SNTG2: variants seen among roughly 807,000 people sequenced by gnomAD.
The protein encoded by SNTG2 is syntrophin gamma 2, also known as gamma-2-syntrophin.
SNTG2 carries 74 observed loss-of-function variants against 70.9 expected under a neutral mutation model. The ratio of observed to expected loss-of-function variants is 1.04; its 90% CI spans 0.86 to 1.27. SNTG2 has a LOEUF of 1.27. SNTG2 is among the 50% of genes most tolerant of loss of function. SNTG2 has a pLI of 0.00. For synonymous variants in SNTG2, 278 were observed against 273.8 expected, an observed-to-expected ratio of 1.02 and a Z score of -0.15; for missense variants, 717 against 690.7, an observed-to-expected ratio of 1.04 and a Z score of -0.43.
At chr2:1,312,437 A>G (rs1681046944) in intron 15 of SNTG2, among the ~76,000 whole-genome samples, 1 of 152,126 alleles carries the variant, frequency 6.6e-6, no homozygotes, top group Middle Eastern at 3.2e-3. Flanking sequence ...CATCGACAAG[A>G]ATAGAACCCA....
chr2:1,281,526 GTGTT>G (rs1396655799), intron 14 of SNTG2, among the ~76,000 whole-genome samples: 1 of 151,206 alleles, frequency 6.6e-6, no homozygotes, highest in South Asian at 2.1e-4. Flanking sequence ...TGTGGTGTGT[GTGTT>G]TGGTGTGGTG....
At chr2:1,232,793 C>A (rs541450025) in intron 9 of SNTG2, among the ~76,000 whole-genome samples, 3 of 152,222 alleles carry the variant, frequency 2.0e-5, no homozygotes, top group South Asian at 4.2e-4. Context: ...AACGAAATTT[C>A]AAGATTTTTC....
At chr2:1,262,690 G>T (rs1202757989) in intron 13 of SNTG2, among the ~76,000 whole-genome samples, 3 of 141,852 alleles carry the variant, frequency 2.1e-5, no homozygotes, top group South Asian at 2.2e-4. Flanking sequence ...CAACCGGAAG[G>T]CTCCGTCCAG....
At chr2:1,055,739 A>G (rs1662351737) in intron 1 of SNTG2, among the ~76,000 whole-genome samples, 1 of 152,218 alleles carries the variant, frequency 6.6e-6, no homozygotes, top group African/African-American at 2.4e-5. Context: ...TAGGGTTATC[A>G]TGAAGGATTT....
At chr2:1,335,579 C>T (rs765256236) in intron 16 of SNTG2, among the ~76,000 whole-genome samples, 3 of 152,106 alleles carry the variant, frequency 2.0e-5, no homozygotes, top group East Asian at 3.9e-4. Context: ...ACTTTATTTT[C>T]GACCATCAGA....
chr2:974,320 C>T (rs1332093943), intron 1 of SNTG2, among the ~76,000 whole-genome samples: 2 of 152,198 alleles, frequency 1.3e-5, no homozygotes, highest in Non-Finnish European at 2.9e-5. Flanking sequence ...AGCAGGACCC[C>T]AAGCCTGGGG....
At chr2:1,034,315 A>G (rs552072888) in intron 1 of SNTG2, among the ~76,000 whole-genome samples, 9 of 152,348 alleles carry the variant, frequency 5.9e-5, no homozygotes, top group Admixed American at 5.2e-4. Flanking sequence ...ATAGTATTCC[A>G]TGGTGTATAT....
chr2:1,144,950 A>T, intron 6 of SNTG2, among the ~76,000 whole-genome samples: 1 of 152,232 alleles, frequency 6.6e-6, no homozygotes, highest in East Asian at 1.9e-4. Context: ...ATGCTTGGAG[A>T]ATAAACAGTA....
chr2:1,023,068 A>AT (rs1322503566), intron 1 of SNTG2, among the ~76,000 whole-genome samples: 2 of 152,070 alleles, frequency 1.3e-5, no homozygotes, highest in Non-Finnish European at 2.9e-5. Flanking sequence ...AGGAAAGAGG[A>AT]TTTTTTAATG....
chr2:1,312,500 G>A (rs1681050215), intron 15 of SNTG2, among the ~76,000 whole-genome samples: 1 of 152,174 alleles, frequency 6.6e-6, no homozygotes, highest in African/African-American at 2.4e-5. Context: ...AGGCAGCCTG[G>A]GTCCAGGAGG....
chr2:1,320,100 AT>A (rs1241585984), intron 16 of SNTG2, among the ~76,000 whole-genome samples: 1 of 152,200 alleles, frequency 6.6e-6, no homozygotes. Flanking sequence ...TGTTGAAAAT[AT>A]TTCTGGAATA....
chr2:1,182,360 C>CA (rs10587246), intron 8 of SNTG2, among the ~76,000 whole-genome samples: 46,454 of 121,286 alleles, frequency 0.38, 9,198 homozygotes, highest in Non-Finnish European at 0.49. Context: ...TTAAAAATTT[C>CA]AAAAAAAAAA....
intron 6 of SNTG2, among the ~76,000 whole-genome samples, chr2:1,155,020 T>C (rs947676413): frequency 3.4e-5 from 5 of 145,388 alleles, no homozygotes; most frequent in African/African-American, 1.0e-4. Flanking sequence ...CACATAGTCA[T>C]ACACCACACA....
intron 4 of SNTG2, among the ~76,000 whole-genome samples, chr2:1,131,324 T>A (rs1407987651): frequency 6.6e-6 from 1 of 152,188 alleles, no homozygotes; most frequent in Non-Finnish European, 1.5e-5. Flanking sequence ...TTCTTTCTTA[T>A]CAGGAGGTAA....
chr2:1,134,172 C>T (rs1032850858), intron 4 of SNTG2, among the ~76,000 whole-genome samples: 1 of 152,134 alleles, frequency 6.6e-6, no homozygotes, highest in African/African-American at 2.4e-5. Flanking sequence ...CTCATAAAGG[C>T]AGCGTGGACC....
chr2:1,202,387 G>T (rs1197760030), intron 8 of SNTG2, among the ~76,000 whole-genome samples: 1 of 151,812 alleles, frequency 6.6e-6, no homozygotes, highest in Admixed American at 6.6e-5. Flanking sequence ...ATACAATATT[G>T]ACTCTAAAGA....
In SNTG2 at chr2:1,268,216, G is replaced by A. The variant is rs1034076125; in HGVS notation, c.1284+645G>A. ...ATGAAGAGTGACAGGAGATAAATGA[G>A]GCAGCGCATCCCAGAGGAGCTCTGA... On this transcript the variant is annotated intron_variant, in intron 14 of 16. Coordinates refer to ENST00000308624, the MANE Select transcript of SNTG2 (RefSeq NM_018968.4). 2.6e-5 allele frequency among the ~76,000 whole-genome samples: 4 copies of A among 152,340 alleles called. No homozygotes were observed. The East Asian group carries it at 5.8e-4, about 22-fold the overall frequency.
chr2:976,937 C>T (rs1572182666), intron 1 of SNTG2, among the ~76,000 whole-genome samples: 2 of 152,342 alleles, frequency 1.3e-5, no homozygotes, highest in East Asian at 3.9e-4. Context: ...CCATGGGGAG[C>T]ACCAGGCTGC....
intron 14 of SNTG2, among the ~76,000 whole-genome samples, chr2:1,284,939 A>G (rs1207038747): frequency 6.6e-6 from 1 of 151,508 alleles, no homozygotes; most frequent in African/African-American, 2.4e-5. Flanking sequence ...TATTAGTTTT[A>G]CAACTCTATA....
Sources: allele counts gnomAD v4.1 joint callset (sites outside exome capture counted in the v4.1 genomes callset), GRCh38; gene constraint gnomAD v4.1.1; transcripts MANE v1.5; gene names NCBI Gene and HGNC (gene_info 2026-07-23, HGNC 2026-07-21).